The following ADAM2 variants were observed in gnomAD, a reference collection of about 807,000 sequenced individuals.
ADAM2 encodes the protein disintegrin and metalloproteinase domain-containing protein 2.
A neutral mutation model predicts 99.3 loss-of-function variants in ADAM2; 101 were observed. The observed-to-expected ratio is 1.02, with a 90% CI of 0.87 to 1.20. The LOEUF (loss-of-function observed/expected upper bound fraction) is 1.20. Ranked by LOEUF, ADAM2 falls within the 50% of genes most tolerant of loss-of-function variation. The pLI is 0.00. For missense variants in ADAM2, 948 were observed against 878.7 expected (o/e 1.08, Z -1.00); for synonymous variants, 323 against 287.6 (o/e 1.12, Z -1.25).
In ADAM2 at chr8:39,787,007, C is replaced by T. The variant is rs561801581; in HGVS notation, c.858G>A (p.Met286Ile). The T allele has an allele frequency of 2.2e-5, 35 of 1,593,520 alleles. No homozygotes were observed. In the South Asian group the frequency reaches 2.5e-4, roughly 12 times the overall value. Reference protein sequence around the residue: ...NYVGATFQGKMCDANYAGGVV... With the variant: ...NYVGATFQGKICDANYAGGVV... ...CACCTCCTGCATAGTTTGCATCACA[C>T]ATCTTCCCTTGAAAGGTTGCACCAA... The change falls in exon 10 of 21, where the codon ATG becomes ATA. Residue 286 changes from methionine (M) to isoleucine (I), a missense_variant. By Grantham distance (10) the Met-to-Ile change is conservative (BLOSUM62 1). Transcript: ENST00000265708.
At chr8:39,836,283 T>C (rs1253095018) in intron 2 of ADAM2, among the ~76,000 whole-genome samples, 2 of 152,154 alleles carry the variant, frequency 1.3e-5, no homozygotes, top group Non-Finnish European at 2.9e-5. Flanking sequence ...TCCAAATAGA[T>C]TCTCTGCTTA....
chr8:39,773,065 A>C (rs965417868), intron 11 of ADAM2, among the ~76,000 whole-genome samples: 10 of 151,928 alleles, frequency 6.6e-5, no homozygotes, highest in Non-Finnish European at 1.2e-4. Flanking sequence ...AAGTCTCATG[A>C]AATTCAAAAG....
intron 16 of ADAM2, among the ~76,000 whole-genome samples, chr8:39,750,769 T>A (rs933747555): frequency 2.6e-5 from 4 of 152,086 alleles, no homozygotes; most frequent in Non-Finnish European, 5.9e-5. Flanking sequence ...TCAACTGAGA[T>A]AAAGAAAGTT....
intron 19 of ADAM2, 130 bp from the exon 20 acceptor site, chr8:39,745,023 T>TACCCTATCACTGAGAAC: frequency 1.5e-6 from 1 of 648,600 alleles, no homozygotes; most frequent in Non-Finnish European, 2.6e-6. Context: ...TATTTGAGAA[T>TACCCTATCACTGAGAAC]ACCCTATCAC....
intron 16 of ADAM2, among the ~76,000 whole-genome samples, chr8:39,752,175 T>C (rs1251194960): frequency 6.6e-6 from 1 of 152,158 alleles, no homozygotes; most frequent in East Asian, 1.9e-4. Flanking sequence ...TGGCCACCAA[T>C]GACCAAGCAT....
chr8:39,810,366 A>T (rs527658243), intron 6 of ADAM2, among the ~76,000 whole-genome samples: 1 of 152,318 alleles, frequency 6.6e-6, no homozygotes, highest in African/African-American at 2.4e-5. Context: ...TCAACATTAG[A>T]CAGATCAAAG....
intron 10 of ADAM2, among the ~76,000 whole-genome samples, chr8:39,785,784 C>T (rs1803440583): frequency 7.3e-6 from 1 of 136,184 alleles, no homozygotes; most frequent in Non-Finnish European, 1.5e-5. Context: ...ATGACAGAGA[C>T]TCTGTCTCAA....
chr8:39,828,770 A>T (rs1204675080), intron 3 of ADAM2, among the ~76,000 whole-genome samples: 1 of 151,890 alleles, frequency 6.6e-6, no homozygotes, highest in Non-Finnish European at 1.5e-5. Context: ...TTAATTTATT[A>T]AAAAAGATTA....
At position 39,744,877 on chromosome 8, in the gene ADAM2, T is replaced by C; in HGVS notation, c.2191A>G (p.Ser731Gly). Residue 731 changes from serine (S) to glycine (G), a missense_variant, in exon 20 of 21, where the codon AGT becomes GGT. By Grantham distance (56) the Ser-to-Gly change is moderately conservative. Transcript: ENST00000265708. ...YSSDEQPESE[S>G]EPKG ...TGTCCAGACTACCCTTTAGGTTCACTCTCACTTTCAGGTTGCCTGCATATT... is the reference window on the plus strand; with the variant it reads ...TGTCCAGACTACCCTTTAGGTTCACCCTCACTTTCAGGTTGCCTGCATATT... The C allele has an allele frequency of 6.2e-7, 1 of 1,603,264 alleles. No individual in the cohort carries two copies. The highest frequency in any genetic ancestry group is 1.7e-4 in the Middle Eastern group (1 of 5,886).
intron 3 of ADAM2, among the ~76,000 whole-genome samples, chr8:39,831,453 A>G (rs1805613359): frequency 2.0e-5 from 3 of 152,202 alleles, no homozygotes; most frequent in Non-Finnish European, 4.4e-5. Context: ...AGTTCACTCA[A>G]ACGAGCTCAT....
intron 4 of ADAM2, among the ~76,000 whole-genome samples, chr8:39,822,648 TAGAAG>T (rs987023529): frequency 5.9e-5 from 9 of 152,206 alleles, no homozygotes; most frequent in East Asian, 1.9e-4. Flanking sequence ...ACTTTATTAT[TAGAAG>T]AGAAGTGTTT....
At chr8:39,780,193 G>C (rs1355506513) in intron 10 of ADAM2, among the ~76,000 whole-genome samples, 6 of 151,992 alleles carry the variant, frequency 3.9e-5, no homozygotes, top group Non-Finnish European at 8.8e-5. Flanking sequence ...GAAAGCATCA[G>C]GTCTCATAAG....
chr8:39,806,356 CAGA>C (rs1804440947), intron 7 of ADAM2, among the ~76,000 whole-genome samples: 1 of 151,622 alleles, frequency 6.6e-6, no homozygotes, highest in Non-Finnish European at 1.5e-5. Flanking sequence ...AAACAAACAA[CAGA>C]AGAATAGAAA....
At chr8:39,747,204 C>T (rs1466156224) in intron 18 of ADAM2, among the ~76,000 whole-genome samples, 1 of 152,134 alleles carries the variant, frequency 6.6e-6, no homozygotes, top group East Asian at 1.9e-4. Context: ...CCTTTATCAG[C>T]CTGTTTCTTG....
chr8:39,776,702 G>T (rs1054907804), intron 11 of ADAM2, among the ~76,000 whole-genome samples: 1 of 152,084 alleles, frequency 6.6e-6, no homozygotes, highest in Non-Finnish European at 1.5e-5. Flanking sequence ...ATGCAGACAA[G>T]TTCATACTAA....
intron 7 of ADAM2, among the ~76,000 whole-genome samples, chr8:39,803,474 G>A (rs983571375): frequency 1.3e-5 from 2 of 152,110 alleles, no homozygotes; most frequent in East Asian, 1.9e-4. Context: ...GTTTTATCCC[G>A]TACAAGCAGA....
At chr8:39,836,200 T>C (rs1256183266) in intron 2 of ADAM2, among the ~76,000 whole-genome samples, 1 of 151,820 alleles carries the variant, frequency 6.6e-6, no homozygotes, top group Non-Finnish European at 1.5e-5. Context: ...CAGTTGAAAA[T>C]GGGCATTTTT....
chr8:39,788,632 A>G, intron 8 of ADAM2, 37 bp downstream of exon 8: 1 of 1,450,590 alleles, frequency 6.9e-7, no homozygotes. Context: ...TTTTAGTAAC[A>G]CAAGAAGTGC....
chr8:39,763,053 G>T (rs949216584), intron 14 of ADAM2, among the ~76,000 whole-genome samples: 5 of 152,182 alleles, frequency 3.3e-5, no homozygotes, highest in Admixed American at 1.3e-4. Context: ...TACAGCTAAT[G>T]AAGAGGTCAC....
Sources: allele counts gnomAD v4.1 joint callset (sites outside exome capture counted in the v4.1 genomes callset), GRCh38; gene constraint gnomAD v4.1.1; transcripts MANE v1.5; gene names NCBI Gene and HGNC (gene_info 2026-07-23, HGNC 2026-07-21).